The following TGFBR3 variants were observed in gnomAD, a reference collection of about 807,000 sequenced individuals.
The protein encoded by TGFBR3 is transforming growth factor beta receptor type 3.
In TGFBR3, 46 loss-of-function variants were observed where a neutral mutation model predicts 87.9. That is an observed-to-expected ratio of 0.52 (90% confidence interval 0.41 to 0.67). The LOEUF is 0.67. TGFBR3 is among the 30% of genes least tolerant of loss of function. The pLI, the probability that TGFBR3 is intolerant of heterozygous loss-of-function variation, is 0.00. For missense variants in TGFBR3, 866 were observed against 1,041.9 expected (o/e 0.83, Z 2.32); for synonymous variants, 381 against 391.6 (o/e 0.97, Z 0.32).
At chr1:91,826,616 C>G (rs1472418534) in intron 2 of TGFBR3, among the ~76,000 whole-genome samples, 2 of 152,134 alleles carry the variant, frequency 1.3e-5, no homozygotes, top group African/African-American at 4.8e-5. Flanking sequence ...TGGCTCCTGA[C>G]AGCCATTCCT....
At chr1:91,786,930 T>C (rs997405765) in intron 3 of TGFBR3, among the ~76,000 whole-genome samples, 2 of 152,192 alleles carry the variant, frequency 1.3e-5, no homozygotes, top group Non-Finnish European at 2.9e-5. Context: ...TAAAAATTAC[T>C]GTTAGCTAGC....
intron 4 of TGFBR3, among the ~76,000 whole-genome samples, chr1:91,755,603 C>G (rs554844774): frequency 1.3e-5 from 2 of 152,286 alleles, no homozygotes; most frequent in South Asian, 4.1e-4. Flanking sequence ...TGGGATTGAT[C>G]CAAATGGGGC....
chr1:91,774,793 A>G (rs1674511375), intron 3 of TGFBR3, among the ~76,000 whole-genome samples: 1 of 151,560 alleles, frequency 6.6e-6, no homozygotes, highest in African/African-American at 2.4e-5. Context: ...CCCTCCTGAC[A>G]TTTTTTTTTC....
rs752082377 is a variant in TGFBR3 at position 91,712,270 on chromosome 1, C to T, written c.2139G>A (p.Met713Ile). 7.1e-5 allele frequency: 114 copies of T among 1,614,034 alleles called. No homozygotes were observed. The highest frequency in any genetic ancestry group is 1.6e-4 in the Middle Eastern group (1 of 6,084). ...TAGGCAACTTCTGGGGGTGCTTCTC[C>T]ATCTTCGTACACAGCGTCAGCTCAC... The part of the protein sequence containing the change: ...LQCELTLCTK[M>I]EKHPQKLPKC... Residue 713 changes from methionine (M) to isoleucine (I), a missense_variant, in exon 13 of 17, where the codon ATG (methionine) becomes ATA (isoleucine). Coordinates refer to ENST00000212355, the MANE Select transcript of TGFBR3 (RefSeq NM_003243.5).
At chr1:91,785,640 G>A (rs1274521103) in intron 3 of TGFBR3, among the ~76,000 whole-genome samples, 2 of 152,074 alleles carry the variant, frequency 1.3e-5, no homozygotes, top group Non-Finnish European at 2.9e-5. Context: ...TGTGTATATT[G>A]AGTCCTCCCA....
At chr1:91,888,812 C>G (rs1679387411), upstream of TGFBR3, among the ~76,000 whole-genome samples, 1 of 152,158 alleles carries the variant, frequency 6.6e-6, no homozygotes, top group African/African-American at 2.4e-5. Context: ...AGTGACTGGT[C>G]CCCGTAGAGC....
intron 5 of TGFBR3, 128 bp downstream of exon 5, chr1:91,734,648 C>T: frequency 8.4e-7 from 1 of 1,187,854 alleles, no homozygotes; most frequent in Non-Finnish European, 1.3e-6. Flanking sequence ...GGCCAAATGA[C>T]CCCTCAGGTC....
chr1:91,788,175 C>T (rs1675043720), intron 3 of TGFBR3, among the ~76,000 whole-genome samples: 1 of 152,138 alleles, frequency 6.6e-6, no homozygotes. Flanking sequence ...AGTGCTAGCA[C>T]CAAGTTCTTG....
chr1:91,811,565 T>C (rs1026881947), intron 2 of TGFBR3, among the ~76,000 whole-genome samples: 2 of 152,156 alleles, frequency 1.3e-5, no homozygotes, highest in Non-Finnish European at 2.9e-5. Flanking sequence ...TGGATTTTGC[T>C]GTGTCGGGTC....
intron 1 of TGFBR3, chr1:91,863,746 A>G (rs1274805072): frequency 6.6e-6 from 1 of 152,282 alleles, no homozygotes; most frequent in Non-Finnish European, 1.5e-5. Context: ...AAGTTGAGGC[A>G]TAAGTCATCA....
chr1:91,768,744 A>C (rs1325935939), intron 3 of TGFBR3, among the ~76,000 whole-genome samples: 2 of 151,270 alleles, frequency 1.3e-5, no homozygotes, highest in African/African-American at 4.8e-5. Flanking sequence ...GCCTCCCCAG[A>C]AGCTGCTATG....
At chr1:91,742,273 T>G (rs1673184154) in intron 4 of TGFBR3, among the ~76,000 whole-genome samples, 1 of 152,146 alleles carries the variant, frequency 6.6e-6, no homozygotes, top group Non-Finnish European at 1.5e-5. Flanking sequence ...CCACCCTCAT[T>G]TGACAAAGAG....
intron 1 of TGFBR3, among the ~76,000 whole-genome samples, chr1:91,902,103 ATAT>A (rs1679733431): frequency 6.6e-6 from 1 of 152,178 alleles, no homozygotes; most frequent in African/African-American, 2.4e-5. Flanking sequence ...TATAAGTTAA[ATAT>A]TATTGGAAAA....
Position 91,706,658 on chromosome 1 carries a change from G to A in TGFBR3, c.2287+2005C>T, listed in dbSNP as rs147034577. ...AGCCTCTGGGGCTGCTCTGTCTATG[G>A]AGTAGCCATTCTTTTGTTTCTTTAC... On this transcript the variant is annotated intron_variant, in intron 14 of 16. Coordinates refer to ENST00000212355, the MANE Select transcript of TGFBR3 (RefSeq NM_003243.5). Among the ~76,000 whole-genome samples, 239 of 152,262 alleles carry A rather than the reference G, an allele frequency of 1.6e-3. 5 individuals carry two copies. The East Asian group carries it at 0.043, about 28-fold the overall frequency.
rs115658956 is a variant in TGFBR3, at chr1:91,841,106, C to T, written c.61+20365G>A. Among the ~76,000 whole-genome samples, 1,270 of 152,152 alleles carry T rather than the reference C, an allele frequency of 8.3e-3. 15 individuals are homozygous for T. Among genetic ancestry groups the T allele is most frequent in the African/African-American group, 0.027 (1,140 of 41,516 alleles). On this transcript the variant is annotated intron_variant, in intron 2 of 16. Coordinates refer to ENST00000212355, the MANE Select transcript of TGFBR3 (RefSeq NM_003243.5). ...GATTACAGGTGTGAGCCCCCGCGCC[C>T]GGCTCACTTTGTTCATTTTCAAAAA...
intron 2 of TGFBR3, among the ~76,000 whole-genome samples, chr1:91,895,445 C>T (rs1679534389): frequency 6.6e-6 from 1 of 151,958 alleles, no homozygotes; most frequent in Admixed American, 6.6e-5. Flanking sequence ...GAACCATGAG[C>T]CAATTAAACC....
rs1460908531 is a variant in TGFBR3, at chr1:91,885,977, A to G, written c.-213T>C. 2.2e-6 allele frequency: 1 copy of G among 451,730 alleles called. No individual in the cohort carries two copies. The highest frequency in any genetic ancestry group is 4.4e-6 in the Non-Finnish European group (1 of 225,456). 28.0% of individuals were successfully genotyped at this position (451,730 alleles called of 1,614,324 possible). On this transcript the variant is annotated 5_prime_UTR_variant, in exon 1 of 17. Transcript: ENST00000212355. ...GCGCTCGGCGGCGGCGAGCTCCGGC[A>G]GCTGCTGCGCCGCGGCAAAACTACG...
intron 3 of TGFBR3, chr1:91,786,336 G>A (rs921933935): frequency 6.8e-6 from 3 of 443,176 alleles, no homozygotes; most frequent in Non-Finnish European, 1.4e-5. Context: ...AGCTGAAGAG[G>A]CCAGTCCCAG....
chr1:91,760,910 A>C (rs1463323496), intron 3 of TGFBR3, among the ~76,000 whole-genome samples: 1 of 152,244 alleles, frequency 6.6e-6, no homozygotes, highest in Non-Finnish European at 1.5e-5. Flanking sequence ...TGGAGAATGA[A>C]GGAGGGATGA....
Sources: gnomAD v4.1 joint callset for allele counts (sites outside exome capture counted in the v4.1 genomes callset) on GRCh38, gnomAD v4.1.1 for gene constraint, MANE v1.5 for transcripts, NCBI Gene and HGNC (gene_info 2026-07-23, HGNC 2026-07-21) for gene names.